Variants in TUSC3 observed in about 807,000 individuals in gnomAD.
The protein encoded by TUSC3 is dolichyl-diphosphooligosaccharide--protein glycosyltransferase subunit TUSC3.
Under a neutral mutation model 44.8 loss-of-function variants are expected in TUSC3, and 45 were observed. That is an observed-to-expected ratio of 1.00 (90% confidence interval 0.79 to 1.29). TUSC3 has a LOEUF of 1.29. TUSC3 is among the 50% of genes most tolerant of loss of function. TUSC3 has a pLI of 0.00. For synonymous variants in TUSC3, 212 were observed against 152.9 expected (o/e 1.39, Z -2.85); for missense variants, 519 against 437.9 (o/e 1.19, Z -1.65).
the TUSC3 span, among the ~76,000 whole-genome samples, chr8:15,774,515 C>A: frequency 6.6e-6 from 1 of 152,096 alleles, no homozygotes; most frequent in African/African-American, 2.4e-5. Context: ...AGGAAGGATT[C>A]CCATAAAGGT....
At chr8:15,484,082 A>G (rs563354647) in intron 2 of TUSC3, among the ~76,000 whole-genome samples, 1 of 152,254 alleles carries the variant, frequency 6.6e-6, no homozygotes, top group East Asian at 1.9e-4. Flanking sequence ...TTGTAGTGAG[A>G]TTTTTAATAT....
chr8:15,493,777 C>A (rs1336093588), intron 2 of TUSC3, among the ~76,000 whole-genome samples: 2 of 152,190 alleles, frequency 1.3e-5, no homozygotes, highest in African/African-American at 2.4e-5. Context: ...ATAAAACTTA[C>A]ATTAAGTGTA....
chr8:15,655,904 G>T (rs984712284), intron 3 of TUSC3, among the ~76,000 whole-genome samples: 2 of 151,976 alleles, frequency 1.3e-5, no homozygotes, highest in Non-Finnish European at 2.9e-5. Context: ...AAATTCTGTA[G>T]AAATAATTAA....
intron 1 of TUSC3, among the ~76,000 whole-genome samples, chr8:15,451,197 A>G (rs1049366698): frequency 1.3e-5 from 2 of 152,180 alleles, no homozygotes; most frequent in Non-Finnish European, 2.9e-5. Flanking sequence ...TATTTCTTGT[A>G]TCACAGTATA....
chr8:15,550,389 T>TAAC (rs1802019607), intron 1 of TUSC3, among the ~76,000 whole-genome samples: 1 of 151,672 alleles, frequency 6.6e-6, no homozygotes, highest in Non-Finnish European at 1.5e-5. Flanking sequence ...AAGAGAATAG[T>TAAC]AACTGTAGAA....
intron 7 of TUSC3, among the ~76,000 whole-genome samples, chr8:15,731,656 A>T (rs1475452756): frequency 6.6e-6 from 1 of 152,160 alleles, no homozygotes; most frequent in African/African-American, 2.4e-5. Context: ...CAAGTACTTC[A>T]GTTTTATGTA....
At chr8:15,659,370 A>C in intron 3 of TUSC3, 137 bp from the exon 4 acceptor site, 2 of 1,066,900 alleles carry the variant, frequency 1.9e-6, no homozygotes, top group Non-Finnish European at 2.7e-6. Flanking sequence ...AAATAAAAAC[A>C]GAAATTTACC....
the TUSC3 span, among the ~76,000 whole-genome samples, chr8:15,815,175 G>T: frequency 1.3e-5 from 2 of 152,112 alleles, no homozygotes; most frequent in African/African-American, 2.4e-5. Context: ...AATGTTAGAA[G>T]GCAAGTGACT....
chr8:15,709,402 A>G (rs1223265014), intron 6 of TUSC3, among the ~76,000 whole-genome samples: 1 of 151,930 alleles, frequency 6.6e-6, no homozygotes, highest in African/African-American at 2.4e-5. Context: ...TATTTTGACT[A>G]CACGTATTTC....
chr8:15,589,350 A>G (rs1051756291), intron 1 of TUSC3, among the ~76,000 whole-genome samples: 8 of 152,298 alleles, frequency 5.3e-5, no homozygotes, highest in African/African-American at 1.9e-4. Flanking sequence ...TCCTGAAATG[A>G]TCCATACGCA....
chr8:15,807,068 A>G, the TUSC3 span: 1 of 1,401,030 alleles, frequency 7.1e-7, no homozygotes, highest in Non-Finnish European at 1.0e-6. Flanking sequence ...ACAAATGCTC[A>G]CAGCAGTATT....
At chr8:15,496,064 C>G (rs1800876447) in intron 2 of TUSC3, among the ~76,000 whole-genome samples, 1 of 152,108 alleles carries the variant, frequency 6.6e-6, no homozygotes, top group Non-Finnish European at 1.5e-5. Context: ...GCCTAACTGT[C>G]TAATAGACTC....
chr8:15,829,741 A>C, the TUSC3 span, among the ~76,000 whole-genome samples: 1 of 152,094 alleles, frequency 6.6e-6, no homozygotes, highest in Non-Finnish European at 1.5e-5. Context: ...CTGTTTTCTT[A>C]AAACTATTTA....
intron 2 of TUSC3, among the ~76,000 whole-genome samples, chr8:15,511,066 G>A (rs527537988): frequency 7.9e-5 from 12 of 152,172 alleles, no homozygotes; most frequent in South Asian, 4.1e-4. Context: ...AGAAGATAAC[G>A]TCCTCTACCC....
In TUSC3 at chr8:15,540,283, C is replaced by T; in HGVS notation, c.-148C>T. 8.6e-7 allele frequency: 1 copy of T among 1,164,892 alleles called. No homozygotes were observed. The highest frequency in any genetic ancestry group is 1.1e-6 in the Non-Finnish European group (1 of 892,114). The allele number at this position is 1,164,892 out of a possible 1,614,324, so 72.2% of individuals were successfully genotyped here. ...CTGTCAGTCTCCTCCTCTGCGTCCT[C>T]GGCCGCGGCCCGGGTCCCTCGCAAA... On this transcript the variant is annotated 5_prime_UTR_variant, in exon 1 of 11. Transcript: ENST00000503731.
chr8:15,480,050 A>C (rs1421287242), intron 1 of TUSC3, among the ~76,000 whole-genome samples: 1 of 152,156 alleles, frequency 6.6e-6, no homozygotes, highest in Admixed American at 6.5e-5. Context: ...CCCATTTACA[A>C]TTGCTACAAA....
At chr8:15,805,168 C>T in the TUSC3 span, among the ~76,000 whole-genome samples, 1 of 151,964 alleles carries the variant, frequency 6.6e-6, no homozygotes. Flanking sequence ...TACTGATTTT[C>T]GTACAAAGAT....
At chr8:15,688,311 C>A (rs1361300731) in intron 6 of TUSC3, among the ~76,000 whole-genome samples, 2 of 152,054 alleles carry the variant, frequency 1.3e-5, no homozygotes, top group African/African-American at 4.8e-5. Flanking sequence ...AAATTGTTTT[C>A]AATGCATGTT....
chr8:15,649,593 A>G (rs1357081307), intron 2 of TUSC3, among the ~76,000 whole-genome samples: 1 of 152,024 alleles, frequency 6.6e-6, no homozygotes, highest in Non-Finnish European at 1.5e-5. Context: ...CAAAAGAAAA[A>G]AAAAAAAAAA....
Sources: gnomAD v4.1 joint callset for allele counts (sites outside exome capture counted in the v4.1 genomes callset) on GRCh38, gnomAD v4.1.1 for gene constraint, MANE v1.5 for transcripts, NCBI Gene and HGNC (gene_info 2026-07-23, HGNC 2026-07-21) for gene names.